XRN1: variants seen among roughly 807,000 people sequenced by gnomAD.
The protein encoded by XRN1 is strand-exchange protein 1 homolog.
A neutral mutation model predicts 222.3 loss-of-function variants in XRN1; 67 were observed. That is an observed-to-expected ratio of 0.30 (90% CI 0.25 to 0.37). The LOEUF (loss-of-function observed/expected upper bound fraction) is 0.37. Ranked by LOEUF, XRN1 falls within the 10% of genes least tolerant of loss-of-function variation. The probability of loss-of-function intolerance (pLI) is 1.00; values close to 1 mark genes in which losing one functional copy is unlikely to be tolerated. For synonymous variants in XRN1, 643 were observed against 652.4 expected, an observed-to-expected ratio of 0.99 and a Z score of 0.22; for missense variants, 1,707 against 2,000.2, an observed-to-expected ratio of 0.85 and a Z score of 2.80.
At chr3:142,360,873 C>CAA (rs71153960) in intron 29 of XRN1, among the ~76,000 whole-genome samples, 43,223 of 118,210 alleles carry the variant, frequency 0.37, 8,355 homozygotes, top group Middle Eastern at 0.42. Flanking sequence ...GACTCCGTCT[C>CAA]AAAAAAAAAA....
chr3:142,325,324 G>A (rs1417410453), intron 37 of XRN1, among the ~76,000 whole-genome samples: 1 of 152,046 alleles, frequency 6.6e-6, no homozygotes, highest in Non-Finnish European at 1.5e-5. Flanking sequence ...TAGTGATGTT[G>A]AGCATTTTTT....
intron 33 of XRN1, among the ~76,000 whole-genome samples, chr3:142,343,188 G>C (rs183766781): frequency 6.6e-6 from 1 of 151,982 alleles, no homozygotes; most frequent in South Asian, 2.1e-4. Flanking sequence ...TCAGCCAGGC[G>C]CTCACACCTG....
At chr3:142,364,856 T>C (rs1350955241) in intron 29 of XRN1, among the ~76,000 whole-genome samples, 191 bp downstream of exon 29, 1 of 152,106 alleles carries the variant, frequency 6.6e-6, no homozygotes, top group African/African-American at 2.4e-5. Flanking sequence ...TTCCAGATTA[T>C]ACAATAAAAA....
intron 29 of XRN1, among the ~76,000 whole-genome samples, chr3:142,363,674 T>C (rs1413817189): frequency 6.6e-6 from 1 of 151,526 alleles, no homozygotes; most frequent in African/African-American, 2.4e-5. Flanking sequence ...AAGTTTACTC[T>C]AGCTTTGTAA....
chr3:142,315,092 ACTCAG>A (rs2065177463), intron 39 of XRN1, among the ~76,000 whole-genome samples: 1 of 150,790 alleles, frequency 6.6e-6, no homozygotes, highest in South Asian at 2.1e-4. Context: ...ATGGCACCAC[ACTCAG>A]CTAATTTTTT....
chr3:142,351,726 C>T (rs1303759335), intron 32 of XRN1, among the ~76,000 whole-genome samples: 1 of 151,876 alleles, frequency 6.6e-6, no homozygotes, highest in Non-Finnish European at 1.5e-5. Context: ...TTGACTGTAA[C>T]CTCTCTGCTA....
chr3:142,442,347 G>A (rs973920313), intron 1 of XRN1, among the ~76,000 whole-genome samples: 1 of 152,114 alleles, frequency 6.6e-6, no homozygotes, highest in Non-Finnish European at 1.5e-5. Context: ...GGATATTGAA[G>A]CCAAAAGAGC....
chr3:142,360,395 T>C (rs2066582588), intron 29 of XRN1, among the ~76,000 whole-genome samples: 1 of 152,166 alleles, frequency 6.6e-6, no homozygotes, highest in African/African-American at 2.4e-5. Flanking sequence ...CATCTATGGG[T>C]ATACAATAAT....
chr3:142,311,685 G>A lies in XRN1; in HGVS notation c.4911C>T (p.Ser1637=), dbSNP rs767379153. 2.5e-6 allele frequency: 4 copies of A among 1,614,160 alleles called. No individual in the cohort carries two copies. Among genetic ancestry groups the A allele is most frequent in the Non-Finnish European group, 3.4e-6 (4 of 1,180,014 alleles). Residue 1637 remains serine (S), a synonymous_variant, in exon 41 of 41, where the codon AGC becomes AGT. Coordinates refer to ENST00000392981, the MANE Select transcript of XRN1 (RefSeq NM_001282857.2). ...GAGAGGACTTCAAAGAAGCTGATGA[G>A]CTCTCCCGTGGACTTACTTTGACAA... The part of the protein sequence containing the change: ...SNIVKVSPRE[S]SSASLKSSPI...
At chr3:142,333,836 G>C (rs1469238206) in intron 34 of XRN1, among the ~76,000 whole-genome samples, 1 of 152,086 alleles carries the variant, frequency 6.6e-6, no homozygotes, top group Non-Finnish European at 1.5e-5. Context: ...CCAGACAATG[G>C]CACTTTACCG....
chr3:142,311,644 G>A lies in XRN1; in HGVS notation c.4952C>T (p.Ala1651Val), dbSNP rs1254750687. The A allele has an allele frequency of 3.1e-6, 5 of 1,614,022 alleles. No individual in the cohort carries two copies. Among genetic ancestry groups the A allele is most frequent in the Non-Finnish European group, 4.2e-6 (5 of 1,180,012 alleles). Reference protein sequence around the residue: ...SLKSSPIAQPASSFQVETASQ... With the variant: ...SLKSSPIAQPVSSFQVETASQ... ...GGCAGTTTCAACTTGAAAAGAAGAT[G>A]CAGGTTGAGCAATCGGAGAGGACTT... The change falls in exon 41 of 41, where the codon GCA becomes GTA. Residue 1651 changes from alanine to valine, a missense_variant. Around this residue, in one of 2 missense-constraint regions of XRN1, gnomAD observed 473 missense variants for 482.0 expected, o/e 0.98. Coordinates refer to ENST00000392981, the MANE Select transcript of XRN1 (RefSeq NM_001282857.2).
chr3:142,415,572 A>G (rs1035409228), intron 13 of XRN1, among the ~76,000 whole-genome samples: 4 of 152,210 alleles, frequency 2.6e-5, no homozygotes, highest in African/African-American at 9.6e-5. Flanking sequence ...GCCTTAATGT[A>G]AGTTACAACA....
Position 142,376,569 on chromosome 3 carries a change from C to G in XRN1, c.2741G>C (p.Gly914Ala). ...QHKYSIKYNP[G>A]YVLASRLGVS... ...TCCAAGGCGACTGGCCAACACATAT[C>G]CTGGGTTGTACTTTATAGAATATTT... The change falls in exon 24 of 41, where the codon GGA (glycine) becomes GCA (alanine). Residue 914 changes from glycine (G) to alanine (A), a missense_variant. Physicochemically the swap from Gly to Ala is moderately conservative, Grantham distance 60. Transcript: ENST00000392981. 2 of 1,612,596 alleles carry G rather than the reference C, an allele frequency of 1.2e-6. No homozygotes were observed. The highest frequency in any genetic ancestry group is 1.7e-6 in the Non-Finnish European group (2 of 1,179,060).
chr3:142,446,494 T>G (rs1268065351), intron 1 of XRN1, among the ~76,000 whole-genome samples: 4 of 152,212 alleles, frequency 2.6e-5, no homozygotes, highest in African/African-American at 9.7e-5. Flanking sequence ...ACAAAATTCC[T>G]CAGGATGGAG....
intron 13 of XRN1, 100 bp downstream of exon 13, chr3:142,417,040 A>T: frequency 1.3e-6 from 1 of 763,778 alleles, no homozygotes; most frequent in Non-Finnish European, 1.9e-6. Flanking sequence ...AAAAAAAATT[A>T]CCATAAGTAG....
intron 20 of XRN1, among the ~76,000 whole-genome samples, chr3:142,393,599 T>G: frequency 6.6e-6 from 1 of 152,072 alleles, no homozygotes; most frequent in Admixed American, 6.5e-5. Context: ...TCCCCATTGC[T>G]TGTTTTTCTC....
intron 37 of XRN1, among the ~76,000 whole-genome samples, chr3:142,324,868 A>G (rs1351293950): frequency 3.3e-5 from 5 of 151,930 alleles, no homozygotes; most frequent in African/African-American, 7.3e-5. Flanking sequence ...ATTTTTTCAT[A>G]TGTCTGTTGG....
At chr3:142,421,293 G>T in intron 9 of XRN1, 140 bp from the exon 10 acceptor site, 1 of 973,584 alleles carries the variant, frequency 1.0e-6, no homozygotes, top group Non-Finnish European at 1.4e-6. Context: ...GAGACCTCAT[G>T]TGTTACTCTA....
intron 29 of XRN1, among the ~76,000 whole-genome samples, chr3:142,361,198 G>A (rs530193817): frequency 1.5e-3 from 228 of 152,312 alleles, no homozygotes; most frequent in African/African-American, 4.6e-3. Context: ...AGTCACCTAT[G>A]TTGTGTCTAT....
Sources: gnomAD v4.1 joint callset for allele counts (sites outside exome capture counted in the v4.1 genomes callset) on GRCh38, gnomAD v4.1.1 for gene constraint, gnomAD v4.1.1 regional missense constraint, MANE v1.5 for transcripts, NCBI Gene and HGNC (gene_info 2026-07-23, HGNC 2026-07-21) for gene names.